WDR17: variants seen among roughly 807,000 people sequenced by gnomAD.
WDR17 encodes WD repeat-containing protein 17.
Under a neutral mutation model 161.7 loss-of-function variants are expected in WDR17, and 143 were observed. The observed-to-expected ratio is 0.88, with a 90% CI of 0.77 to 1.02. WDR17 has a LOEUF of 1.02. Among genes scored for constraint, WDR17 ranks in the 50% least tolerant of loss-of-function variants. The pLI, the probability that WDR17 is intolerant of heterozygous loss-of-function variation, is 0.00. For missense variants in WDR17, 1,469 were observed against 1,520.9 expected, an observed-to-expected ratio of 0.97 and a Z score of 0.57; for synonymous variants, 517 against 515.6, an observed-to-expected ratio of 1.00 and a Z score of -0.04.
At position 176,182,105 on chromosome 4, in the gene WDR17, A is replaced by T. The variant is rs1227615443; in HGVS notation, c.*2526A>T. 1 of 152,060 alleles carries T rather than the reference A, an allele frequency of 6.6e-6. No individual in the cohort carries two copies. Among genetic ancestry groups the T allele is most frequent in the Admixed American group, 6.5e-5 (1 of 15,274 alleles). The allele number at this position is 152,060 out of a possible 1,614,324, so 9.4% of individuals were successfully genotyped here. On this transcript the variant is annotated 3_prime_UTR_variant, in exon 29 of 29. Transcript: ENST00000508596. This position sits in a 1 kb window ranked among gnomAD's most constrained non-coding sequence, Gnocchi z 4.2. The stretch of plus-strand genomic sequence containing the variant: ...CATATGCATGAAACCCAAGCAAATT[A>T]TATGAATTTATTTTACTATTTGAAA...
chr4:176,123,390 A>G (rs907312932), intron 4 of WDR17, among the ~76,000 whole-genome samples: 2 of 152,074 alleles, frequency 1.3e-5, no homozygotes. Context: ...CTACCTGGAG[A>G]TAGAGTCACA....
At chr4:176,164,689 C>A (rs1375105448) in intron 22 of WDR17, among the ~76,000 whole-genome samples, 3 of 152,154 alleles carry the variant, frequency 2.0e-5, no homozygotes, top group African/African-American at 7.2e-5. Flanking sequence ...CACTTACATT[C>A]TTCTTTTTTG....
At chr4:176,149,200 A>G (rs940099613) in intron 13 of WDR17, among the ~76,000 whole-genome samples, 1 of 151,044 alleles carries the variant, frequency 6.6e-6, no homozygotes, top group Non-Finnish European at 1.5e-5. Flanking sequence ...TACTTTTAAC[A>G]TTTTCATCCA....
At chr4:176,130,488 T>C (rs1221653286) in intron 6 of WDR17, among the ~76,000 whole-genome samples, 2 of 152,174 alleles carry the variant, frequency 1.3e-5, no homozygotes, top group African/African-American at 4.8e-5. Flanking sequence ...CTCATGCCTG[T>C]AATCCCAGCA....
At chr4:176,081,976 A>G (rs1018822432) in intron 1 of WDR17, among the ~76,000 whole-genome samples, 1 of 152,114 alleles carries the variant, frequency 6.6e-6, no homozygotes, top group Non-Finnish European at 1.5e-5. Flanking sequence ...GACAAGTGAG[A>G]ATGGTTGTTG....
At position 176,160,045 on chromosome 4, in the gene WDR17, C is replaced by A; in HGVS notation, c.2577C>A (p.Cys859Ter). 6.2e-7 allele frequency: 1 copy of A among 1,613,540 alleles called. No homozygotes were observed. The highest frequency in any genetic ancestry group is 8.5e-7 in the Non-Finnish European group (1 of 1,179,622). Residue 859 changes from cysteine (C) to a stop codon, truncating the protein, a stop_gained, in exon 19 of 29, where the codon TGC (cysteine) becomes TGA (stop). Coordinates refer to ENST00000508596, the MANE Select transcript of WDR17 (RefSeq NM_181265.4). LOFTEE classifies it high-confidence loss of function. ...ATAAGGATGATGTCATTCCATACTG[C>A]ATAGCCATTGGTGATGTGAAAAAGC... ...QEDKDDVIPYCIAIGDVKKLV... is the reference protein window; with the variant it reads ...QEDKDDVIPY
intron 28 of WDR17, among the ~76,000 whole-genome samples, chr4:176,178,253 G>T (rs968987235): frequency 6.6e-6 from 1 of 151,964 alleles, no homozygotes; most frequent in Non-Finnish European, 1.5e-5. Flanking sequence ...AACATAACCA[G>T]TATCTTCCAA....
chr4:176,157,838 A>G (rs1380895734), intron 18 of WDR17, among the ~76,000 whole-genome samples: 3 of 152,218 alleles, frequency 2.0e-5, no homozygotes, highest in Admixed American at 1.3e-4. Flanking sequence ...ATAAATTGGA[A>G]CAAAGGAAAC....
chr4:176,176,412 G>T (rs553133808), intron 26 of WDR17, among the ~76,000 whole-genome samples: 1 of 151,754 alleles, frequency 6.6e-6, no homozygotes, highest in Non-Finnish European at 1.5e-5. Flanking sequence ...TCATTCTCTC[G>T]TCCTCTGCTT....
chr4:176,152,913 G>A (rs994578158), intron 17 of WDR17, among the ~76,000 whole-genome samples: 5 of 149,982 alleles, frequency 3.3e-5, no homozygotes, highest in Admixed American at 2.0e-4. Flanking sequence ...CCAGCCTGGC[G>A]ACAGAGCAAG....
At chr4:176,137,203 T>A (rs1363168346) in intron 8 of WDR17, among the ~76,000 whole-genome samples, 2 of 151,488 alleles carry the variant, frequency 1.3e-5, no homozygotes, top group Non-Finnish European at 3.0e-5. Context: ...AATAAAGAAG[T>A]CCCTGTCTTT....
intron 1 of WDR17, among the ~76,000 whole-genome samples, chr4:176,098,837 TATTTTGTCCTA>T (rs1579042202): frequency 6.6e-6 from 1 of 151,964 alleles, no homozygotes; most frequent in Middle Eastern, 3.2e-3. Context: ...ATAGCTATTT[TATTTTGTCCTA>T]ATTATTATTT....
chr4:176,108,088 G>A (rs1739087035), intron 1 of WDR17, among the ~76,000 whole-genome samples: 1 of 151,720 alleles, frequency 6.6e-6, no homozygotes, highest in South Asian at 2.1e-4. Flanking sequence ...ACCCAGGCTG[G>A]AGTGCAGTAG....
intron 17 of WDR17, 84 bp from the exon 18 acceptor site, chr4:176,155,995 A>G: frequency 2.5e-6 from 3 of 1,210,926 alleles, no homozygotes; most frequent in Admixed American, 2.0e-5. Context: ...TATTATAAAT[A>G]CCAATCTATT....
chr4:176,148,485 A>G, intron 13 of WDR17, 150 bp downstream of exon 13: 3 of 725,530 alleles, frequency 4.1e-6, no homozygotes, highest in Non-Finnish European at 4.4e-6. Context: ...CACGTTTATT[A>G]TTATAATACC....
At chr4:176,095,507 C>G (rs1181109398) in intron 1 of WDR17, among the ~76,000 whole-genome samples, 1 of 152,096 alleles carries the variant, frequency 6.6e-6, no homozygotes, top group East Asian at 1.9e-4. Context: ...ATATTTCATA[C>G]TTGTGTATCT....
chr4:176,134,734 TA>T (rs1161144752), intron 7 of WDR17, among the ~76,000 whole-genome samples: 2 of 151,742 alleles, frequency 1.3e-5, no homozygotes, highest in African/African-American at 4.8e-5. Context: ...CCAGATGACA[TA>T]TGGTAACTAT....
chr4:176,116,787 T>C (rs1468255863), intron 3 of WDR17, among the ~76,000 whole-genome samples: 2 of 151,928 alleles, frequency 1.3e-5, no homozygotes, highest in Non-Finnish European at 2.9e-5. Context: ...CAATTATCTT[T>C]AAATTTTGTT....
At chr4:176,084,527 G>A (rs1561075863) in intron 1 of WDR17, among the ~76,000 whole-genome samples, 1 of 151,920 alleles carries the variant, frequency 6.6e-6, no homozygotes, top group South Asian at 2.1e-4. Flanking sequence ...GTTTGAGGGA[G>A]GACAAACATC....
Sources: allele counts gnomAD v4.1 joint callset (sites outside exome capture counted in the v4.1 genomes callset), GRCh38; gene constraint gnomAD v4.1.1; non-coding constraint Gnocchi (gnomAD v3.1); transcripts MANE v1.5; gene names NCBI Gene and HGNC (gene_info 2026-07-23, HGNC 2026-07-21).